Variants in SYNPR observed in about 807,000 individuals in gnomAD.
The protein encoded by SYNPR is synaptoporin.
A neutral mutation model predicts 32.9 loss-of-function variants in SYNPR; 23 were observed. The ratio of observed to expected loss-of-function variants is 0.70; its 90% CI spans 0.50 to 0.99. The LOEUF is 0.99. SYNPR is among the 50% of genes least tolerant of loss of function. SYNPR has a pLI of 0.00. For missense variants in SYNPR, 318 were observed against 349.3 expected (o/e 0.91, Z 0.71); for synonymous variants, 146 against 135.9 (o/e 1.07, Z -0.52).
At position 63,324,890 on chromosome 3, in the gene SYNPR, A is replaced by G. The variant is rs552695853; in HGVS notation, c.84+46148A>G. ...CTACACGGACCTCAGGAGAGAGCAC[A>G]ACAAATACCACAAGCAAGAGGCACA... On this transcript the variant is annotated intron_variant, in intron 2 of 5. Coordinates refer to ENST00000478300, the MANE Select transcript of SYNPR (RefSeq NM_001130003.2). Among the ~76,000 whole-genome samples the G allele has an allele frequency of 7.9e-5, 12 of 152,194 alleles. No individual in the cohort carries two copies. The South Asian group carries it at 1.9e-3, about 24-fold the overall frequency.
At chr3:63,203,068 G>GTGTGTGTATA in the SYNPR span, 3 of 108,590 alleles carry the variant, frequency 2.8e-5, no homozygotes, top group African/African-American at 1.4e-4. Flanking sequence ...ATATGTATGT[G>GTGTGTGTATA]TATATATATA....
intron 2 of SYNPR, among the ~76,000 whole-genome samples, chr3:63,254,522 A>G (rs2086365474): frequency 1.3e-5 from 2 of 152,184 alleles, no homozygotes; most frequent in African/African-American, 4.8e-5. Flanking sequence ...TTTATGATAT[A>G]TTATGTATTT....
rs80233550 is a variant in SYNPR at position 63,372,824 on chromosome 3, G to A, written c.84+94082G>A. ...AAGATCTGCAGCTAGCACTTGAGTG[G>A]GAGAGGAGCCCACACTCTCAGAGCA... On this transcript the variant is annotated intron_variant, in intron 2 of 5. Transcript: ENST00000478300. 6.6e-4 allele frequency among the ~76,000 whole-genome samples: 101 copies of A among 152,256 alleles called. No homozygotes were observed. In the East Asian group the frequency reaches 0.016, roughly 24 times the overall value.
chr3:63,598,229 A>G (rs1365874732), intron 4 of SYNPR, among the ~76,000 whole-genome samples: 1 of 152,242 alleles, frequency 6.6e-6, no homozygotes, highest in Non-Finnish European at 1.5e-5. Context: ...TTGTGCCACT[A>G]TTAGAAAGAG....
At chr3:63,490,987 C>T (rs2106715755) in intron 3 of SYNPR, among the ~76,000 whole-genome samples, 1 of 152,216 alleles carries the variant, frequency 6.6e-6, no homozygotes, top group African/African-American at 2.4e-5. Flanking sequence ...TGGTCTTGAA[C>T]TCCTGACCTC....
chr3:63,472,866 A>G (rs1178091673), intron 2 of SYNPR, among the ~76,000 whole-genome samples: 1 of 152,106 alleles, frequency 6.6e-6, no homozygotes, highest in Non-Finnish European at 1.5e-5. Flanking sequence ...CAGATAGTAA[A>G]TATGTTTGGC....
chr3:63,534,475 C>T (rs890843346), intron 3 of SYNPR, among the ~76,000 whole-genome samples: 11 of 152,108 alleles, frequency 7.2e-5, no homozygotes, highest in Admixed American at 6.6e-4. Flanking sequence ...ATTTATTGTA[C>T]CTCTCTTACT....
chr3:63,204,537 T>C, the SYNPR span, among the ~76,000 whole-genome samples: 2 of 152,184 alleles, frequency 1.3e-5, no homozygotes, highest in Non-Finnish European at 2.9e-5. Flanking sequence ...GGTTAGGACT[T>C]CAACTATCTT....
chr3:63,546,867 C>T (rs1342749840), intron 3 of SYNPR, among the ~76,000 whole-genome samples: 1 of 152,080 alleles, frequency 6.6e-6, no homozygotes, highest in African/African-American at 2.4e-5. Flanking sequence ...ATTTTTAGCA[C>T]GTGCATGCTG....
intron 4 of SYNPR, among the ~76,000 whole-genome samples, chr3:63,606,527 G>C (rs1434799318): frequency 6.9e-6 from 1 of 145,134 alleles, no homozygotes; most frequent in Non-Finnish European, 1.5e-5. Flanking sequence ...AAACTCCTGG[G>C]ATCAGGCGAT....
At chr3:63,205,220 A>C in the SYNPR span, among the ~76,000 whole-genome samples, 2 of 152,074 alleles carry the variant, frequency 1.3e-5, no homozygotes, top group Non-Finnish European at 2.9e-5. Flanking sequence ...CAGTTTTTGC[A>C]TTCTATTGTA....
chr3:63,360,905 C>T (rs189252145), intron 2 of SYNPR, among the ~76,000 whole-genome samples: 5 of 152,194 alleles, frequency 3.3e-5, no homozygotes, highest in South Asian at 2.1e-4. Context: ...TGTGTGTTTG[C>T]GTCTATTGTC....
intron 2 of SYNPR, among the ~76,000 whole-genome samples, chr3:63,414,023 TAGAGAG>T (rs758540937): frequency 6.9e-6 from 1 of 145,438 alleles, no homozygotes; most frequent in African/African-American, 2.5e-5. Context: ...TATATATATA[TAGAGAG>T]AGAGAGAGAC....
intron 3 of SYNPR, among the ~76,000 whole-genome samples, chr3:63,546,777 G>A (rs923928172): frequency 1.3e-5 from 2 of 152,066 alleles, no homozygotes; most frequent in Non-Finnish European, 2.9e-5. Context: ...ACCAAATCAA[G>A]GAGAAATACC....
chr3:63,501,112 G>A (rs965355168), intron 3 of SYNPR, among the ~76,000 whole-genome samples: 5 of 152,016 alleles, frequency 3.3e-5, no homozygotes, highest in Non-Finnish European at 7.4e-5. Context: ...ATTATTATTC[G>A]CACTGGTGAC....
At chr3:63,506,843 C>T (rs1701598563) in intron 3 of SYNPR, among the ~76,000 whole-genome samples, 1 of 152,066 alleles carries the variant, frequency 6.6e-6, no homozygotes, top group East Asian at 1.9e-4. Context: ...ATATGACGGC[C>T]CCTGAGCACT....
rs573887996 is a variant in SYNPR, at chr3:63,592,699, A to AAAAT, written c.409-16409_409-16406dup. The stretch of plus-strand genomic sequence containing the variant: ...GTTAAATAAATACGACACAAATTAA[A>AAAAT]AAATAAATAAATAAATAAATGAGTA... On this transcript the variant is annotated intron_variant, in intron 4 of 5. Coordinates refer to ENST00000478300, the MANE Select transcript of SYNPR (RefSeq NM_001130003.2). Among the ~76,000 whole-genome samples, 27 of 152,208 alleles carry AAAAT rather than the reference A, an allele frequency of 1.8e-4. No homozygotes were observed. The South Asian group carries it at 3.3e-3, about 19-fold the overall frequency.
chr3:63,445,619 C>A, intron 2 of SYNPR: 1 of 675,550 alleles, frequency 1.5e-6, no homozygotes, highest in Non-Finnish European at 2.7e-6. Context: ...AAGCATTTTA[C>A]ATGGCTTATC....
intron 3 of SYNPR, among the ~76,000 whole-genome samples, chr3:63,512,016 G>A (rs1050234898): frequency 4.0e-5 from 6 of 150,326 alleles, no homozygotes; most frequent in African/African-American, 1.2e-4. Context: ...AGACATATAC[G>A]AACATATCTG....
Sources: gnomAD v4.1 joint callset for allele counts (sites outside exome capture counted in the v4.1 genomes callset) on GRCh38, gnomAD v4.1.1 for gene constraint, MANE v1.5 for transcripts, NCBI Gene and HGNC (gene_info 2026-07-23, HGNC 2026-07-21) for gene names.